The following LHFPL3 variants were observed in gnomAD, a reference collection of about 807,000 sequenced individuals.
LHFPL3 encodes the protein LHFPL tetraspan subfamily member 3 protein.
In LHFPL3, 5 loss-of-function variants were observed where a neutral mutation model predicts 19.3. The observed-to-expected ratio is 0.26, with a 90% CI of 0.14 to 0.54. The LOEUF (loss-of-function observed/expected upper bound fraction) is 0.54, where lower values mean the gene tolerates loss of function less well. Ranked by LOEUF, LHFPL3 falls within the 20% of genes least tolerant of loss-of-function variation. The pLI is 0.94. For missense variants in LHFPL3, 249 were observed against 307.4 expected (o/e 0.81, Z 1.42); for synonymous variants, 133 against 126.2 (o/e 1.05, Z -0.36).
intron 1 of LHFPL3, among the ~76,000 whole-genome samples, chr7:104,698,252 C>T (rs1365649059): frequency 2.0e-5 from 3 of 152,160 alleles, no homozygotes; most frequent in Non-Finnish European, 4.4e-5. Flanking sequence ...AAAACAATAG[C>T]TTTTATTATC....
chr7:104,566,072 G>A (rs939750427), intron 1 of LHFPL3, among the ~76,000 whole-genome samples: 5 of 152,110 alleles, frequency 3.3e-5, no homozygotes, highest in African/African-American at 9.7e-5. Context: ...TCATGGCTGG[G>A]CATGATGGCT....
intron 1 of LHFPL3, among the ~76,000 whole-genome samples, chr7:104,631,899 A>G (rs1344546637): frequency 6.6e-6 from 1 of 152,206 alleles, no homozygotes; most frequent in Admixed American, 6.5e-5. Context: ...GGCAGGGAAG[A>G]AACCTTCAGG....
At position 104,808,859 on chromosome 7, in the gene LHFPL3, C is replaced by T. The variant is rs368646812; in HGVS notation, c.682+71948C>T. Among the ~76,000 whole-genome samples, 30 of 150,482 alleles carry T rather than the reference C, an allele frequency of 2.0e-4. No homozygotes were observed. The East Asian group carries it at 5.9e-3, about 29-fold the overall frequency. On this transcript the variant is annotated intron_variant, in intron 2 of 2. Coordinates refer to ENST00000424859, the MANE Select transcript of LHFPL3 (RefSeq NM_199000.3). ...TAATCACTGTTTGGTCCTTTTCTGC[C>T]CTTTCACCCCAACACCATAGATGAT...
intron 1 of LHFPL3, among the ~76,000 whole-genome samples, chr7:104,569,466 T>G (rs946975918): frequency 7.2e-5 from 11 of 152,200 alleles, no homozygotes; most frequent in Non-Finnish European, 1.6e-4. Context: ...TTCAGTGATC[T>G]CTCTTATTTG....
chr7:104,798,739 T>A (rs1287711992), intron 2 of LHFPL3, among the ~76,000 whole-genome samples: 1 of 152,142 alleles, frequency 6.6e-6, no homozygotes, highest in Admixed American at 6.6e-5. Context: ...GAAATTAAAG[T>A]AGAAAAGCTT....
intron 2 of LHFPL3, among the ~76,000 whole-genome samples, chr7:104,751,985 C>T (rs1363930821): frequency 2.0e-5 from 3 of 152,058 alleles, no homozygotes. Context: ...TGGGGGCATT[C>T]CTGGATATCC....
intron 1 of LHFPL3, among the ~76,000 whole-genome samples, chr7:104,545,333 G>C (rs1456476081): frequency 6.6e-6 from 1 of 152,100 alleles, no homozygotes; most frequent in Admixed American, 6.6e-5. Flanking sequence ...GGCTATTCTG[G>C]ACCTTCTCTC....
intron 1 of LHFPL3, among the ~76,000 whole-genome samples, chr7:104,331,655 A>T (rs991912587): frequency 6.6e-6 from 1 of 152,148 alleles, no homozygotes; most frequent in African/African-American, 2.4e-5. Flanking sequence ...AGTTACTTTG[A>T]AAGTTTAGTC....
intron 1 of LHFPL3, among the ~76,000 whole-genome samples, chr7:104,561,041 G>C (rs1366684860): frequency 6.6e-6 from 1 of 151,912 alleles, no homozygotes; most frequent in East Asian, 1.9e-4. Flanking sequence ...ACTGTGGTCT[G>C]AGAGATAGTT....
intron 1 of LHFPL3, among the ~76,000 whole-genome samples, chr7:104,446,849 T>A (rs1010110126): frequency 2.0e-5 from 3 of 152,078 alleles, no homozygotes; most frequent in African/African-American, 7.2e-5. Context: ...ACCCGGCCGA[T>A]TCTATAGTTT....
chr7:104,771,169 G>A (rs1437950849), intron 2 of LHFPL3, among the ~76,000 whole-genome samples: 1 of 152,090 alleles, frequency 6.6e-6, no homozygotes. Flanking sequence ...ACCACGCTCT[G>A]CCAGTAGACC....
intron 1 of LHFPL3, among the ~76,000 whole-genome samples, chr7:104,433,459 A>G (rs1279692192): frequency 6.6e-6 from 1 of 152,176 alleles, no homozygotes; most frequent in African/African-American, 2.4e-5. Flanking sequence ...AAATCACTGT[A>G]ATGCCTTGCA....
chr7:104,474,396 G>A (rs1792967133), intron 1 of LHFPL3, among the ~76,000 whole-genome samples: 1 of 152,120 alleles, frequency 6.6e-6, no homozygotes, highest in Middle Eastern at 3.4e-3. Flanking sequence ...CGGGTGCGGT[G>A]TCTCACGCCT....
At chr7:104,832,714 C>T (rs1790978662) in intron 2 of LHFPL3, among the ~76,000 whole-genome samples, 1 of 148,468 alleles carries the variant, frequency 6.7e-6, no homozygotes. Context: ...CGGTGGCTCA[C>T]TCCTGTAATC....
intron 2 of LHFPL3, among the ~76,000 whole-genome samples, chr7:104,838,452 G>T (rs1791138976): frequency 6.6e-6 from 1 of 152,216 alleles, no homozygotes; most frequent in East Asian, 1.9e-4. Flanking sequence ...TGATAAGGCT[G>T]TATGTGGCTG....
intron 1 of LHFPL3, among the ~76,000 whole-genome samples, chr7:104,655,182 G>A (rs971182799): frequency 5.3e-5 from 8 of 152,262 alleles, no homozygotes; most frequent in African/African-American, 1.9e-4. Context: ...CCCATTGAAT[G>A]TCTTTTATTT....
intron 1 of LHFPL3, among the ~76,000 whole-genome samples, chr7:104,622,356 G>A (rs1186112259): frequency 6.6e-6 from 1 of 152,218 alleles, no homozygotes; most frequent in African/African-American, 2.4e-5. Context: ...CAAGCAATCC[G>A]CTTGCCTCAG....
chr7:104,510,270 C>T (rs1382945819), intron 1 of LHFPL3, among the ~76,000 whole-genome samples: 2 of 152,014 alleles, frequency 1.3e-5, no homozygotes, highest in African/African-American at 4.8e-5. Context: ...ACTGGAGTAG[C>T]TAAAACAACT....
intron 2 of LHFPL3, among the ~76,000 whole-genome samples, chr7:104,860,307 C>G (rs1467649656): frequency 2.0e-5 from 3 of 152,110 alleles, no homozygotes; most frequent in African/African-American, 7.2e-5. Flanking sequence ...TAATCCACTG[C>G]TGAATAATGA....
Sources: allele counts gnomAD v4.1 joint callset (sites outside exome capture counted in the v4.1 genomes callset), GRCh38; gene constraint gnomAD v4.1.1; transcripts MANE v1.5; gene names NCBI Gene and HGNC (gene_info 2026-07-23, HGNC 2026-07-21).